Variants in PNPLA7 observed in about 807,000 individuals in gnomAD.
PNPLA7 encodes patatin-like phospholipase domain-containing protein 7.
A neutral mutation model predicts 161.7 loss-of-function variants in PNPLA7; 153 were observed. The observed-to-expected ratio is 0.95, with a 90% CI of 0.83 to 1.08. PNPLA7 has a LOEUF of 1.08. Ranked by LOEUF, PNPLA7 falls within the 50% of genes least tolerant of loss-of-function variation. The pLI, the probability that PNPLA7 is intolerant of heterozygous loss-of-function variation, is 0.00. For missense variants in PNPLA7, 1,739 were observed against 1,856.6 expected (o/e 0.94, Z 1.16); for synonymous variants, 809 against 782.1 (o/e 1.03, Z -0.57).
rs1390312147 is a variant in PNPLA7, at chr9:137,468,539, G to C, written c.2883-1066C>G. ...TCGGATGCAAGCCACAGCTGGGGGGGACCCTGGAGGCATTTGCTGTGGTTT... is the reference window on the plus strand; with the variant it reads ...TCGGATGCAAGCCACAGCTGGGGGGCACCCTGGAGGCATTTGCTGTGGTTT... On this transcript the variant is annotated intron_variant, in intron 25 of 34. Coordinates refer to ENST00000406427, the MANE Select transcript of PNPLA7 (RefSeq NM_001098537.3). This position sits in a 1 kb window ranked among gnomAD's most constrained non-coding sequence, Gnocchi z 4.0. 6.6e-6 allele frequency among the ~76,000 whole-genome samples: 1 copy of C among 152,168 alleles called. No homozygotes were observed. The highest frequency in any genetic ancestry group is 1.5e-5 in the Non-Finnish European group (1 of 68,044).
chr9:137,504,109 GAA>G (rs1470977419), intron 14 of PNPLA7, among the ~76,000 whole-genome samples: 1 of 139,070 alleles, frequency 7.2e-6, no homozygotes, highest in Admixed American at 7.1e-5. Flanking sequence ...GAAGAAGAAA[GAA>G]AGAAGAAGAA....
At chr9:137,502,523 A>G (rs964788204) in intron 14 of PNPLA7, among the ~76,000 whole-genome samples, 2 of 147,192 alleles carry the variant, frequency 1.4e-5, no homozygotes, top group African/African-American at 2.5e-5. Context: ...GAGCAGCCAC[A>G]TATCCAGCTC....
chr9:137,498,766 G>T (rs1032352733), intron 16 of PNPLA7, among the ~76,000 whole-genome samples: 6 of 152,200 alleles, frequency 3.9e-5, no homozygotes, highest in Non-Finnish European at 4.4e-5. Context: ...ACTGTCGAGG[G>T]TGAGGGCTGC....
rs747387166 is a variant in PNPLA7 at position 137,519,981 on chromosome 9, C to T, written c.1020G>A (p.Gln340=). 8.1e-6 allele frequency: 13 copies of T among 1,612,778 alleles called. No homozygotes were observed. The highest frequency in any genetic ancestry group is 1.7e-5 in the Admixed American group (1 of 59,990). ...ASVAAGKAKK[Q]VFYGEEERLK... The stretch of plus-strand genomic sequence containing the variant: ...GCCGCTCTTCTTCGCCATAGAACAC[C>T]TGCTTCTTGGCCTTCCCGGCAGCCA... The change falls in exon 11 of 35, where the codon CAG becomes CAA. Residue 340 remains glutamine (Q), a synonymous_variant. Coordinates refer to ENST00000406427, the MANE Select transcript of PNPLA7 (RefSeq NM_001098537.3).
intron 1 of PNPLA7, among the ~76,000 whole-genome samples, chr9:137,548,959 A>G (rs771462227): frequency 7.9e-5 from 12 of 152,158 alleles, no homozygotes; most frequent in Non-Finnish European, 1.8e-4. Context: ...AGCACCTACG[A>G]CCATGTCCCT....
chr9:137,506,994 A>G (rs1281187509), intron 12 of PNPLA7, among the ~76,000 whole-genome samples: 1 of 152,210 alleles, frequency 6.6e-6, no homozygotes, highest in Non-Finnish European at 1.5e-5. Context: ...CCGCAGCCAC[A>G]TGGCGCTGCG....
rs1327884740 is a variant in PNPLA7 at position 137,490,922 on chromosome 9, G to T, written c.2197+2091C>A. ...GGAAGGATGAAGTGACTGAACAATG[G>T]TGAGCTCTCCACATTCCACTTAAAG... On this transcript the variant is annotated intron_variant, in intron 20 of 34. Transcript: ENST00000406427. The surrounding 1 kb of genome is among the most constrained non-coding windows in gnomAD (Gnocchi z 4.1). Among the ~76,000 whole-genome samples the T allele has an allele frequency of 6.6e-6, 1 of 152,190 alleles. No homozygotes were observed. Among genetic ancestry groups the T allele is most frequent in the Non-Finnish European group, 1.5e-5 (1 of 68,030 alleles).
In PNPLA7 at chr9:137,499,696, C is replaced by T. The variant is rs969945177; in HGVS notation, c.1757+995G>A. Among the ~76,000 whole-genome samples, 6 of 152,380 alleles carry T rather than the reference C, an allele frequency of 3.9e-5. No individual in the cohort carries two copies. In the East Asian group the frequency reaches 5.8e-4, roughly 15 times the overall value. On this transcript the variant is annotated intron_variant, in intron 16 of 34. Transcript: ENST00000406427. This position sits in a 1 kb window ranked among gnomAD's most constrained non-coding sequence, Gnocchi z 5.5. ...AACTGGGCCAGGGCCCCGCTGCCCC[C>T]ACCCCTGCCCCTTGCCCGGCTCGGG...
At chr9:137,484,028 C>T (rs1229878613) in intron 21 of PNPLA7, among the ~76,000 whole-genome samples, 1 of 151,572 alleles carries the variant, frequency 6.6e-6, no homozygotes, top group South Asian at 2.1e-4. Flanking sequence ...CTCTATCTCC[C>T]GGGTTCAAGC....
At chr9:137,522,401 A>G (rs1313623172) in intron 9 of PNPLA7, among the ~76,000 whole-genome samples, 3 of 151,476 alleles carry the variant, frequency 2.0e-5, no homozygotes, top group African/African-American at 4.9e-5. Context: ...CGTGTGAGCC[A>G]GGATGGTCTC....
intron 14 of PNPLA7, among the ~76,000 whole-genome samples, chr9:137,502,832 G>C (rs1564322093): frequency 7.1e-6 from 1 of 141,368 alleles, no homozygotes; most frequent in South Asian, 2.3e-4. Context: ...CCATTTTAAG[G>C]ATTACTGTTA....
chr9:137,501,818 C>A, intron 14 of PNPLA7, 91 bp from the exon 15 acceptor site: 1 of 1,345,010 alleles, frequency 7.4e-7, no homozygotes, highest in Non-Finnish European at 1.0e-6. Context: ...TCAGGGGCAA[C>A]GAGCGGTGAG....
chr9:137,518,045 C>A (rs1464831963), intron 11 of PNPLA7, among the ~76,000 whole-genome samples: 4 of 121,190 alleles, frequency 3.3e-5, no homozygotes, highest in Non-Finnish European at 5.0e-5. Context: ...TCCACTCCAT[C>A]CCCCACTCAC....
chr9:137,505,082 G>A (rs1323235695), intron 14 of PNPLA7, among the ~76,000 whole-genome samples: 4 of 151,370 alleles, frequency 2.6e-5, no homozygotes, highest in African/African-American at 9.7e-5. Flanking sequence ...CAGCTACTTG[G>A]GAGGCTGAGG....
Position 137,466,800 on chromosome 9 carries a change from G to C in PNPLA7, c.3039+517C>G, listed in dbSNP as rs561234567. ...TCCCACCACCGTCTCCACCAACTCA[G>C]ACCCGGGCACGGATCAGACCACCTC... On this transcript the variant is annotated intron_variant, in intron 26 of 34. Transcript: ENST00000406427. Among the ~76,000 whole-genome samples, 245 of 143,524 alleles carry C rather than the reference G, an allele frequency of 1.7e-3. 1 individual carries two copies. Among genetic ancestry groups the C allele is most frequent in the African/African-American group, 5.5e-3 (207 of 37,644 alleles). 94.2% of individuals were successfully genotyped at this position (143,524 alleles called of 152,430 possible). A position where few individuals can be genotyped will look rare whatever the true frequency, so the allele number is the denominator to read the frequency against.
chr9:137,477,912 C>T lies in PNPLA7; in HGVS notation c.2882+122G>A, dbSNP rs563483426. On this transcript the variant is annotated intron_variant, in intron 25 of 34. Transcript: ENST00000406427. ...GTGGAGGCTGGGTCTGGACAGGCGG[C>T]CTGAGGGTCTCGTCTGCGGGTGACA... 8 of 811,288 alleles carry T rather than the reference C, an allele frequency of 9.9e-6. No homozygotes were observed. In the South Asian group the frequency reaches 4.7e-4, roughly 48 times the overall value. The allele number at this position is 811,288 out of a possible 1,614,324, so 50.3% of individuals were successfully genotyped here.
At chr9:137,481,404 C>T (rs1265209067) in intron 21 of PNPLA7, among the ~76,000 whole-genome samples, 2 of 152,232 alleles carry the variant, frequency 1.3e-5, no homozygotes, top group African/African-American at 4.8e-5. Context: ...TTTCCAAAAC[C>T]CAGATCATCG....
rs757634246 is a variant in PNPLA7, at chr9:137,523,250, C to T, written c.748-393G>A. Among the ~76,000 whole-genome samples, 1 of 152,160 alleles carries T rather than the reference C, an allele frequency of 6.6e-6. No individual in the cohort carries two copies. Among genetic ancestry groups the T allele is most frequent in the Non-Finnish European group, 1.5e-5 (1 of 68,014 alleles). On this transcript the variant is annotated intron_variant, in intron 8 of 34. Transcript: ENST00000406427. The surrounding 1 kb of genome is among the most constrained non-coding windows in gnomAD (Gnocchi z 4.4). ...CCCTCGCCAAAGGGCGTGCCAGACA[C>T]CAACCTGAGCGGGCTTCCTAAAAAG...
In PNPLA7 at chr9:137,506,032, C is replaced by G. The variant is rs1251201212; in HGVS notation, c.1277G>C (p.Arg426Thr). The change falls in exon 13 of 35, where the codon AGG (arginine) becomes ACG (threonine). Residue 426 changes from arginine (R) to threonine (T), a missense_variant. Transcript: ENST00000406427. ...SDLGMACDRA[R>T]VFLHSDEHPG... ...GTGCTCGTCCGAGTGCAGGAAGACC[C>G]TGGCACGGTCACATGCCATCCCCAG... The G allele has an allele frequency of 6.2e-7, 1 of 1,613,110 alleles. No individual in the cohort carries two copies. Among genetic ancestry groups the G allele is most frequent in the East Asian group, 2.2e-5 (1 of 44,862 alleles).
Sources: allele counts gnomAD v4.1 joint callset (sites outside exome capture counted in the v4.1 genomes callset), GRCh38; gene constraint gnomAD v4.1.1; non-coding constraint Gnocchi (gnomAD v3.1); transcripts MANE v1.5; gene names NCBI Gene and HGNC (gene_info 2026-07-23, HGNC 2026-07-21).